RGS10: variants seen among roughly 807,000 people sequenced by gnomAD.
RGS10 encodes the protein regulator of G protein signaling 10, also known as regulator of G-protein signalling 10.
A neutral mutation model predicts 23.5 loss-of-function variants in RGS10; 11 were observed. That is an observed-to-expected ratio of 0.47 (90% CI 0.29 to 0.77). The LOEUF is 0.77. Ranked by LOEUF, RGS10 falls within the 30% of genes least tolerant of loss-of-function variation. The pLI is 0.08. For synonymous variants in RGS10, 77 were observed against 83.2 expected (o/e 0.92, Z 0.41); for missense variants, 180 against 226.3 (o/e 0.80, Z 1.31).
chr10:119,523,609 G>A (rs1009120281), intron 3 of RGS10, among the ~76,000 whole-genome samples: 9 of 152,184 alleles, frequency 5.9e-5, no homozygotes, highest in Non-Finnish European at 1.2e-4. Context: ...AGGCTGCAGT[G>A]AGCCAAGACC....
intron 1 of RGS10, 132 bp downstream of exon 1, chr10:119,542,458 T>A (rs1460376335): frequency 2.9e-5 from 20 of 688,162 alleles, no homozygotes; most frequent in Non-Finnish European, 4.2e-5. Context: ...CGGGGAGAGG[T>A]GGTGCGGTCG....
chr10:119,509,020 G>A (rs1365339304), intron 4 of RGS10, among the ~76,000 whole-genome samples: 3 of 152,120 alleles, frequency 2.0e-5, no homozygotes, highest in South Asian at 2.1e-4. Context: ...AGGATGGATC[G>A]AGCCTGGGAG....
chr10:119,536,370 T>C, intron 1 of RGS10: 4 of 1,160,770 alleles, frequency 3.4e-6, no homozygotes, highest in Non-Finnish European at 5.1e-6. Flanking sequence ...CACCTCTGTG[T>C]CCTCACAGCA....
At chr10:119,515,785 C>G in intron 3 of RGS10, 133 bp from the exon 4 acceptor site, 1 of 1,004,262 alleles carries the variant, frequency 1.0e-6, no homozygotes, top group Non-Finnish European at 1.4e-6. Context: ...CCCAGGGGCT[C>G]TCAGGCCACT....
chr10:119,522,125 C>A (rs145210553), intron 3 of RGS10, among the ~76,000 whole-genome samples: 3 of 152,178 alleles, frequency 2.0e-5, no homozygotes, highest in Non-Finnish European at 4.4e-5. Context: ...TGGGTCTAGA[C>A]CCTCGGAGAC....
intron 4 of RGS10, among the ~76,000 whole-genome samples, chr10:119,502,200 G>A (rs189848941): frequency 3.9e-5 from 6 of 152,248 alleles, no homozygotes; most frequent in Admixed American, 2.6e-4. Context: ...TGAGGTGGGG[G>A]ATGAGAAACG....
chr10:119,518,507 C>A (rs942414473), intron 3 of RGS10, among the ~76,000 whole-genome samples: 1 of 152,170 alleles, frequency 6.6e-6, no homozygotes, highest in Non-Finnish European at 1.5e-5. Context: ...TCAGGAGAAG[C>A]AAATTCACTT....
chr10:119,514,731 A>C (rs1484700655), intron 4 of RGS10, among the ~76,000 whole-genome samples: 1 of 152,050 alleles, frequency 6.6e-6, no homozygotes, highest in South Asian at 2.1e-4. Context: ...ATTACTGAGA[A>C]TACCTAGAGC....
intron 4 of RGS10, among the ~76,000 whole-genome samples, chr10:119,510,161 AAG>A (rs922020823): frequency 1.9e-4 from 29 of 152,258 alleles, no homozygotes; most frequent in African/African-American, 7.0e-4. Flanking sequence ...CTCAGGCTGT[AAG>A]AGGTCCAAGC....
At position 119,512,683 on chromosome 10, in the gene RGS10, G is replaced by A. The variant is rs187540405; in HGVS notation, c.399+2826C>T. Among the ~76,000 whole-genome samples the A allele has an allele frequency of 2.4e-3, 363 of 152,162 alleles. 1 individual carries two copies. The highest frequency in any genetic ancestry group is 8.3e-3 in the African/African-American group (346 of 41,508). On this transcript the variant is annotated intron_variant, in intron 4 of 4. Coordinates refer to ENST00000369103, the MANE Select transcript of RGS10 (RefSeq NM_001005339.2). The stretch of plus-strand genomic sequence containing the variant: ...CTGCCTCAGCCTCCCGAGTAACTGG[G>A]ATTATAGGCGCCCACCACCACGCCT...
At position 119,524,320 on chromosome 10, in the gene RGS10, G is replaced by A. The variant is rs544406184; in HGVS notation, c.255+1712C>T. Among the ~76,000 whole-genome samples, 17 of 152,170 alleles carry A rather than the reference G, an allele frequency of 1.1e-4. No individual in the cohort carries two copies. The highest frequency in any genetic ancestry group is 3.6e-4 in the African/African-American group (15 of 41,440). On this transcript the variant is annotated intron_variant, in intron 3 of 4. Transcript: ENST00000369103. This position sits in a 1 kb window ranked among gnomAD's most constrained non-coding sequence, Gnocchi z 5.2. ...GCAGCATGGTGGTGCAGACAACAAC[G>A]GGTGACTTCAGGGAGCTAGTTCAAG...
At chr10:119,501,446 G>C (rs1257938840) in intron 4 of RGS10, among the ~76,000 whole-genome samples, 1 of 152,190 alleles carries the variant, frequency 6.6e-6, no homozygotes, top group Admixed American at 6.5e-5. Flanking sequence ...GAGGGTGCTG[G>C]GGGCGGTGGC....
At chr10:119,542,142 C>A (rs1333407139) in intron 1 of RGS10, among the ~76,000 whole-genome samples, 1 of 152,184 alleles carries the variant, frequency 6.6e-6, no homozygotes, top group Non-Finnish European at 1.5e-5. Context: ...CGCCCCAGGC[C>A]CAGGGGCCCA....
rs1843939312 is a variant in RGS10 at position 119,500,357 on chromosome 10, A to G, written c.400-98T>C. The stretch of plus-strand genomic sequence containing the variant: ...ATTAATACCTACCATGTGCCAAAGA[A>G]TACTAACATGTGCAAAGAACACACT... On this transcript the variant is annotated intron_variant, in intron 4 of 4. Coordinates refer to ENST00000369103, the MANE Select transcript of RGS10 (RefSeq NM_001005339.2). The G allele has an allele frequency of 6.6e-6, 7 of 1,065,996 alleles. No individual in the cohort carries two copies. The East Asian group carries it at 1.7e-4, about 26-fold the overall frequency. The allele number at this position is 1,065,996 out of a possible 1,614,324, so 66.0% of individuals were successfully genotyped here.
rs961902792 is a variant in RGS10, at chr10:119,499,836, A to G, written c.*277T>C. On this transcript the variant is annotated 3_prime_UTR_variant, in exon 5 of 5. Transcript: ENST00000369103. ...GATACGTTTCACCTTGTGGCCTTAC[A>G]TGAGGTTTAATTAAGCTACAAAATG... 2 of 322,628 alleles carry G rather than the reference A, an allele frequency of 6.2e-6. No homozygotes were observed. The highest frequency in any genetic ancestry group is 4.7e-5 in the Admixed American group (1 of 21,154). The allele number at this position is 322,628 out of a possible 1,614,324, so 20.0% of individuals were successfully genotyped here.
intron 4 of RGS10, among the ~76,000 whole-genome samples, chr10:119,505,532 C>T (rs140183278): frequency 2.2e-3 from 335 of 152,066 alleles, no homozygotes; most frequent in Non-Finnish European, 3.8e-3. Flanking sequence ...TCTGCACAAC[C>T]GTCCTGCAGA....
intron 1 of RGS10, among the ~76,000 whole-genome samples, chr10:119,532,626 A>G (rs1316213325): frequency 6.6e-6 from 1 of 152,090 alleles, no homozygotes; most frequent in African/African-American, 2.4e-5. Flanking sequence ...CAGATCACAA[A>G]GTCAGGAGTT....
At chr10:119,505,301 C>T (rs1463169167) in intron 4 of RGS10, among the ~76,000 whole-genome samples, 6 of 136,516 alleles carry the variant, frequency 4.4e-5, no homozygotes, top group South Asian at 2.7e-4. Flanking sequence ...CTCAAGTTGG[C>T]GGCTGAGCTG....
At chr10:119,537,992 A>G (rs1463795692) in intron 1 of RGS10, among the ~76,000 whole-genome samples, 1 of 152,202 alleles carries the variant, frequency 6.6e-6, no homozygotes, top group Non-Finnish European at 1.5e-5. Flanking sequence ...GTGGATCAGG[A>G]CAGCTCTTTA....
Sources: gnomAD v4.1 joint callset for allele counts (sites outside exome capture counted in the v4.1 genomes callset) on GRCh38, gnomAD v4.1.1 for gene constraint, Gnocchi (gnomAD v3.1) non-coding constraint, MANE v1.5 for transcripts, NCBI Gene and HGNC (gene_info 2026-07-23, HGNC 2026-07-21) for gene names.